Variants in LMNA observed in about 807,000 individuals in gnomAD.
LMNA encodes the protein lamin.
In LMNA, 20 loss-of-function variants were observed where a neutral mutation model predicts 70.4. The ratio of observed to expected loss-of-function variants is 0.28; its 90% CI spans 0.20 to 0.41. LMNA has a LOEUF of 0.41. Among genes scored for constraint, LMNA ranks in the 10% least tolerant of loss-of-function variants. The probability of loss-of-function intolerance (pLI) is 1.00; values close to 1 mark genes in which losing one functional copy is unlikely to be tolerated. For missense variants in LMNA, 652 were observed against 917.2 expected, an observed-to-expected ratio of 0.71 and a Z score of 3.73; for synonymous variants, 339 against 372.8, an observed-to-expected ratio of 0.91 and a Z score of 1.04.
Position 156,138,334 on chromosome 1 carries a change from G to A in LMNA, c.1699-154G>A, listed in dbSNP as rs755862975. The A allele has an allele frequency of 6.3e-5, 48 of 767,960 alleles. No homozygotes were observed. Among genetic ancestry groups the A allele is most frequent in the Non-Finnish European group, 8.7e-5 (42 of 483,264 alleles). 47.6% of individuals were successfully genotyped at this position (767,960 alleles called of 1,614,324 possible). The stretch of plus-strand genomic sequence containing the variant: ...TTCCCTCTCCTCCTCCGGGCCCCTA[G>A]CCTCCCAAACCCCCATTGCCCGCTG... On this transcript the variant is annotated intron_variant, in intron 10 of 11. Coordinates refer to ENST00000368300, the MANE Select transcript of LMNA (RefSeq NM_170707.4). The surrounding 1 kb of genome is among the most constrained non-coding windows in gnomAD (Gnocchi z 5.5).
At chr1:156,096,649 T>C (rs995345650) in intron 3 of LMNA, among the ~76,000 whole-genome samples, 2 of 152,248 alleles carry the variant, frequency 1.3e-5, no homozygotes, top group African/African-American at 4.8e-5. Context: ...CAGATGGTAC[T>C]GAGTAAATAT....
intron 3 of LMNA, among the ~76,000 whole-genome samples, chr1:156,096,556 G>A (rs756064997): frequency 6.6e-5 from 10 of 152,236 alleles, no homozygotes; most frequent in African/African-American, 1.2e-4. Context: ...GTTAGGTGCC[G>A]GGTTTTCTGC....
At chr1:156,125,714 C>T (rs984626654) in intron 1 of LMNA, among the ~76,000 whole-genome samples, 3 of 147,796 alleles carry the variant, frequency 2.0e-5, no homozygotes, top group African/African-American at 7.5e-5. Context: ...AGGGGCTGGG[C>T]GCGGTGGCTC....
Position 156,114,943 on chromosome 1 carries a change from G to T in LMNA, c.25G>T (p.Ala9Ser). 1 of 1,567,108 alleles carries T rather than the reference G, an allele frequency of 6.4e-7. No individual in the cohort carries two copies. ...CATGGAGACCCCGTCCCAGCGGCGC[G>T]CCACCCGCAGCGGGGCGCAGGCCAG... METPSQRR[A>S]TRSGAQASST... Residue 9 changes from alanine to serine, a missense_variant, in exon 1 of 12, where the codon GCC (alanine) becomes TCC (serine). Ala to Ser is a moderately conservative substitution (Grantham distance 99). Around this residue, in one of 4 missense-constraint regions of LMNA, gnomAD observed 254 missense variants for 421.9 expected, o/e 0.60. Transcript: ENST00000368300.
Position 156,115,949 on chromosome 1 carries a change from C to G in LMNA, c.356+675C>G, listed in dbSNP as rs978698268. On this transcript the variant is annotated intron_variant, in intron 1 of 11. Transcript: ENST00000368300. This position sits in a 1 kb window ranked among gnomAD's most constrained non-coding sequence, Gnocchi z 5.8. The stretch of plus-strand genomic sequence containing the variant: ...GTCTGGGACCTTCCTTGGGCTCTGA[C>G]AGGCCCACCAAAAGAGCTCCGGGAG... 2.0e-5 allele frequency among the ~76,000 whole-genome samples: 3 copies of G among 152,238 alleles called. No individual in the cohort carries two copies. The highest frequency in any genetic ancestry group is 4.4e-5 in the Non-Finnish European group (3 of 68,042).
At chr1:156,083,180 G>A (rs1648336403) in exon 2 of LMNA, 1 of 152,480 alleles carries the variant, frequency 6.6e-6, no homozygotes, top group Non-Finnish European at 1.5e-5. Context: ...GGCACCGACT[G>A]GGAGGTGAGT....
Position 156,137,283 on chromosome 1 carries a change from C to G in LMNA, c.1608+51C>G. ...TGCTGGACGAGGCTCCCCCTGATGG[C>G]CAACATCGGAGCCAGCTGCCCCCAA... On this transcript the variant is annotated intron_variant, in intron 9 of 11. Coordinates refer to ENST00000368300, the MANE Select transcript of LMNA (RefSeq NM_170707.4). This position sits in a 1 kb window ranked among gnomAD's most constrained non-coding sequence, Gnocchi z 4.6. 6.5e-7 allele frequency: 1 copy of G among 1,538,594 alleles called. No homozygotes were observed. Among genetic ancestry groups the G allele is most frequent in the Non-Finnish European group, 8.7e-7 (1 of 1,147,640 alleles).
At chr1:156,083,151 C>G (rs981557296) in exon 2 of LMNA, 1 of 152,412 alleles carries the variant, frequency 6.6e-6, no homozygotes, top group Admixed American at 6.5e-5. Context: ...CCCGCCCCCC[C>G]AGTCTCGGAG....
chr1:156,093,062 G>A (rs1648771153), intron 3 of LMNA, among the ~76,000 whole-genome samples: 1 of 150,954 alleles, frequency 6.6e-6, no homozygotes, highest in Non-Finnish European at 1.5e-5. Context: ...CTAATTTTTT[G>A]TATTTTTTGT....
chr1:156,113,849 G>T (rs1649631173), upstream of LMNA, among the ~76,000 whole-genome samples: 1 of 152,182 alleles, frequency 6.6e-6, no homozygotes, highest in Admixed American at 6.5e-5. Context: ...AAGTTGACTG[G>T]GTGCGGTAAG....
Position 156,115,128 on chromosome 1 carries a change from C to T in LMNA, c.210C>T (p.Val70=). 2.5e-6 allele frequency: 4 copies of T among 1,607,130 alleles called. No homozygotes were observed. The highest frequency in any genetic ancestry group is 3.4e-6 in the Non-Finnish European group (4 of 1,176,966). Residue 70 remains valine (V), a synonymous_variant, in exon 1 of 12, where the codon GTC becomes GTT. Transcript: ENST00000368300. The surrounding 1 kb of genome is among the most constrained non-coding windows in gnomAD (Gnocchi z 5.8). The part of the protein sequence containing the change: ...RLRITESEEV[V]SREVSGIKAA... ...GCATCACCGAGTCTGAAGAGGTGGTCAGCCGCGAGGTGTCCGGCATCAAGG... is the reference window on the plus strand; with the variant it reads ...GCATCACCGAGTCTGAAGAGGTGGTTAGCCGCGAGGTGTCCGGCATCAAGG...
In LMNA at chr1:156,138,833, G is replaced by A; in HGVS notation, c.1968+76G>A. On this transcript the variant is annotated intron_variant, in intron 11 of 11. Coordinates refer to ENST00000368300, the MANE Select transcript of LMNA (RefSeq NM_170707.4). The surrounding 1 kb of genome is among the most constrained non-coding windows in gnomAD (Gnocchi z 5.5). ...TCGAGGGGTAGGACGAGGTGGCCTT[G>A]CAGGGGGGAGAGCCTGCCTTCTCTT... 1 of 1,586,118 alleles carries A rather than the reference G, an allele frequency of 6.3e-7. No homozygotes were observed. Among genetic ancestry groups the A allele is most frequent in the East Asian group, 2.2e-5 (1 of 44,488 alleles).
intron 3 of LMNA, among the ~76,000 whole-genome samples, chr1:156,101,537 G>A (rs796847527): frequency 6.6e-6 from 1 of 151,754 alleles, no homozygotes; most frequent in Admixed American, 6.6e-5. Context: ...GGGAATCACT[G>A]TGGGAAGGAG....
rs55740793 is a variant in LMNA, at chr1:156,086,393, A to ACTCTCTCTCTCTCTCT, written c.-319+3226_-319+3241dup. ...AGCCCTGGAATGCAGGTGACCTCTG[A>ACTCTCTCTCTCTCTCT]CTCTCTCTCTCTCTCTCTCTCTCTC... On this transcript the variant is annotated intron_variant, in intron 2 of 12. Coordinates refer to the LMNA transcript ENST00000368301. Among the ~76,000 whole-genome samples, 635 of 146,378 alleles carry ACTCTCTCTCTCTCTCT rather than the reference A, an allele frequency of 4.3e-3. 4 individuals are homozygous for ACTCTCTCTCTCTCTCT. Among genetic ancestry groups the ACTCTCTCTCTCTCTCT allele is most frequent in the Middle Eastern group, 0.021 (6 of 282 alleles).
chr1:156,107,291 T>C (rs1408217503), intron 3 of LMNA, among the ~76,000 whole-genome samples: 1 of 152,156 alleles, frequency 6.6e-6, no homozygotes, highest in Non-Finnish European at 1.5e-5. Flanking sequence ...CTTCCCGACT[T>C]TGTAGGAACC....
intron 1 of LMNA, among the ~76,000 whole-genome samples, chr1:156,117,969 ATTTTT>A (rs1186679791): frequency 2.2e-5 from 2 of 91,904 alleles, no homozygotes; most frequent in Non-Finnish European, 4.0e-5. Flanking sequence ...CGCTTGGCTA[ATTTTT>A]TTTTTTTTTT....
rs1172223455 is a variant in LMNA at position 156,140,026 on chromosome 1, C to T, written c.*920C>T. ...AAACGCTAAAGAGCCCTTGCCTCCC[C>T]ATTTCCCATCTGCACCCCTTCTCTC... On this transcript the variant is annotated 3_prime_UTR_variant, in exon 12 of 12. Transcript: ENST00000368300. 5.9e-5 allele frequency: 32 copies of T among 539,988 alleles called. No individual in the cohort carries two copies. Among genetic ancestry groups the T allele is most frequent in the South Asian group, 5.7e-4 (25 of 44,130 alleles). 33.4% of individuals were successfully genotyped at this position (539,988 alleles called of 1,614,324 possible). A position where few individuals can be genotyped will look rare whatever the true frequency, so the allele number is the denominator to read the frequency against.
intron 1 of LMNA, chr1:156,129,726 A>T (rs1240315491): frequency 4.6e-6 from 3 of 649,696 alleles, no homozygotes; most frequent in Non-Finnish European, 8.6e-6. Context: ...TCTCCAGTCC[A>T]CTAGCAAAAA....
upstream of LMNA, among the ~76,000 whole-genome samples, chr1:156,113,854 G>A (rs1036364810): frequency 2.0e-5 from 3 of 152,126 alleles, no homozygotes; most frequent in East Asian, 1.9e-4. Context: ...GACTGGGTGC[G>A]GTAAGCAGTA....
Sources: gnomAD v4.1 joint callset for allele counts (sites outside exome capture counted in the v4.1 genomes callset) on GRCh38, gnomAD v4.1.1 for gene constraint, gnomAD v4.1.1 regional missense constraint, Gnocchi (gnomAD v3.1) non-coding constraint, MANE v1.5 for transcripts, NCBI Gene and HGNC (gene_info 2026-07-23, HGNC 2026-07-21) for gene names.